The following TIPRL variants were observed in gnomAD, a reference collection of about 807,000 sequenced individuals.
TIPRL encodes the protein TIP41-like protein.
In TIPRL, 10 loss-of-function variants were observed where a neutral mutation model predicts 32.3. The ratio of observed to expected loss-of-function variants is 0.31; its 90% CI spans 0.19 to 0.52. The LOEUF is 0.52. TIPRL is among the 20% of genes least tolerant of loss of function. The pLI is 0.96. For missense variants in TIPRL, 250 were observed against 328.1 expected, an observed-to-expected ratio of 0.76 and a Z score of 1.84; for synonymous variants, 100 against 114.0, an observed-to-expected ratio of 0.88 and a Z score of 0.78.
intron 4 of TIPRL, chr1:168,192,161 T>A (rs1016862372): frequency 6.9e-7 from 1 of 1,444,342 alleles, no homozygotes; most frequent in Non-Finnish European, 9.2e-7. Flanking sequence ...AAATGATCCA[T>A]GTGTTATGAT....
At chr1:168,190,938 A>G (rs1474353905) in intron 3 of TIPRL, among the ~76,000 whole-genome samples, 1 of 152,214 alleles carries the variant, frequency 6.6e-6, no homozygotes, top group African/African-American at 2.4e-5. Flanking sequence ...GGTTGAGCAA[A>G]TATCTAACAT....
chr1:168,180,950 C>G (rs1347072128), intron 1 of TIPRL, among the ~76,000 whole-genome samples: 1 of 151,334 alleles, frequency 6.6e-6, no homozygotes, highest in African/African-American at 2.4e-5. Flanking sequence ...AGGCATGAGC[C>G]ACTGCGCCCA....
chr1:168,191,325 A>G, intron 3 of TIPRL, 44 bp from the exon 4 acceptor site: 1 of 1,494,340 alleles, frequency 6.7e-7, no homozygotes, highest in South Asian at 1.4e-5. Context: ...GTAGCTCCTC[A>G]ACTTTTTTTT....
intron 3 of TIPRL, among the ~76,000 whole-genome samples, chr1:168,189,021 T>G (rs1344852529): frequency 6.6e-6 from 1 of 152,026 alleles, no homozygotes; most frequent in Admixed American, 6.6e-5. Flanking sequence ...TATAGCTCTT[T>G]AGGGTGTCAT....
intron 1 of TIPRL, among the ~76,000 whole-genome samples, chr1:168,181,455 C>T (rs892608050): frequency 1.3e-5 from 2 of 151,598 alleles, no homozygotes; most frequent in African/African-American, 4.8e-5. Context: ...AGATGATCCA[C>T]CTGCCCTCGG....
Position 168,200,086 on chromosome 1 carries a change from A to T in TIPRL, c.*40A>T. 1 of 1,596,098 alleles carries T rather than the reference A, an allele frequency of 6.3e-7. No individual in the cohort carries two copies. Among genetic ancestry groups the T allele is most frequent in the Non-Finnish European group, 8.5e-7 (1 of 1,171,648 alleles). On this transcript the variant is annotated 3_prime_UTR_variant, in exon 7 of 7. Transcript: ENST00000367833. ...TATACTCACTATGGAATCTGACTGGACACCTTGGCTATTTGTAAGGGGTTA... is the reference window on the plus strand; with the variant it reads ...TATACTCACTATGGAATCTGACTGGTCACCTTGGCTATTTGTAAGGGGTTA...
chr1:168,199,797 A>G, intron 6 of TIPRL, 106 bp from the exon 7 acceptor site: 1 of 1,138,212 alleles, frequency 8.8e-7, no homozygotes, highest in Non-Finnish European at 1.2e-6. Context: ...CATATATTGC[A>G]CCTGATTTTA....
At chr1:168,179,220 T>A in intron 1 of TIPRL, 39 bp downstream of exon 1, 13 of 1,596,304 alleles carry the variant, frequency 8.1e-6, no homozygotes, top group Non-Finnish European at 1.1e-5. Flanking sequence ...GCTGGCCGGT[T>A]GCTGGCCCAG....
chr1:168,197,741 G>T (rs4414023), intron 5 of TIPRL, among the ~76,000 whole-genome samples: 72,492 of 151,906 alleles, frequency 0.48, 20,484 homozygotes, highest in African/African-American at 0.78. Context: ...TGGCCAGGCC[G>T]GTCTTGAACT....
intron 5 of TIPRL, among the ~76,000 whole-genome samples, chr1:168,198,517 G>A (rs1039762371): frequency 5.3e-5 from 8 of 152,212 alleles, no homozygotes; most frequent in African/African-American, 1.7e-4. Context: ...CATAAAAGTA[G>A]CACAATTACG....
intron 5 of TIPRL, among the ~76,000 whole-genome samples, chr1:168,197,806 C>T (rs1468317923): frequency 3.3e-5 from 5 of 152,098 alleles, no homozygotes; most frequent in Admixed American, 1.3e-4. Flanking sequence ...GGATTATAGG[C>T]GTGAGCCACA....
At chr1:168,181,545 G>A (rs749048354) in intron 1 of TIPRL, among the ~76,000 whole-genome samples, 3 of 149,090 alleles carry the variant, frequency 2.0e-5, no homozygotes, top group Non-Finnish European at 4.5e-5. Context: ...ACAAATTGCC[G>A]ATTGGTGCAA....
chr1:168,191,858 CAAA>C (rs60988834), intron 4 of TIPRL, among the ~76,000 whole-genome samples: 7 of 38,894 alleles, frequency 1.8e-4, no homozygotes, highest in Non-Finnish European at 2.8e-4. Flanking sequence ...GGCGACAGAG[CAAA>C]AAAAAAAAAA....
chr1:168,187,779 T>G (rs561154459), intron 3 of TIPRL, among the ~76,000 whole-genome samples: 2 of 152,144 alleles, frequency 1.3e-5, no homozygotes, highest in Admixed American at 1.3e-4. Context: ...TCAAGACCAG[T>G]CTGGGCAACA....
intron 5 of TIPRL, 47 bp downstream of exon 5, chr1:168,196,689 T>C (rs747520169): frequency 1.1e-5 from 14 of 1,329,734 alleles, no homozygotes; most frequent in African/African-American, 3.0e-5. Flanking sequence ...CTGGGCTTGT[T>C]TGTGTTGTTT....
At chr1:168,195,629 C>T (rs1236579772) in intron 4 of TIPRL, among the ~76,000 whole-genome samples, 1 of 151,964 alleles carries the variant, frequency 6.6e-6, no homozygotes, top group Admixed American at 6.6e-5. Flanking sequence ...GGCTGGAGTG[C>T]AGTGTTACAA....
chr1:168,184,889 C>G lies in TIPRL; in HGVS notation c.384+11C>G. On this transcript the variant is annotated intron_variant, in intron 3 of 6. Coordinates refer to ENST00000367833, the MANE Select transcript of TIPRL (RefSeq NM_152902.5). ...TCTCTTAAGTTAAAGGTAAATCTTA[C>G]TTTTTTCTTTCATGAGTCATTGATT... is the stretch of plus-strand genomic sequence containing the variant. 3 of 1,551,000 alleles carry G rather than the reference C, an allele frequency of 1.9e-6. No homozygotes were observed. The East Asian group carries it at 6.8e-5, about 35-fold the overall frequency.
intron 5 of TIPRL, among the ~76,000 whole-genome samples, chr1:168,197,298 A>G (rs1700169006): frequency 6.6e-6 from 1 of 152,086 alleles, no homozygotes; most frequent in South Asian, 2.1e-4. Context: ...AAAAAAAAAA[A>G]AAAGAAACAT....
chr1:168,191,327 CT>C (rs749816157), intron 3 of TIPRL, 41 bp from the exon 4 acceptor site: 552 of 1,431,976 alleles, frequency 3.9e-4, no homozygotes, highest in South Asian at 1.3e-3. Flanking sequence ...AGCTCCTCAA[CT>C]TTTTTTTTAA....
Sources: allele counts gnomAD v4.1 joint callset (sites outside exome capture counted in the v4.1 genomes callset), GRCh38; gene constraint gnomAD v4.1.1; transcripts MANE v1.5; gene names NCBI Gene and HGNC (gene_info 2026-07-23, HGNC 2026-07-21).